The following ORC2 variants were observed in gnomAD, a reference collection of about 807,000 sequenced individuals.
The protein encoded by ORC2 is origin recognition complex protein 2 homolog.
In ORC2, 37 loss-of-function variants were observed where a neutral mutation model predicts 77.7. The observed-to-expected ratio is 0.48, with a 90% CI of 0.37 to 0.63. ORC2 has a LOEUF of 0.63. Among genes scored for constraint, ORC2 ranks in the 20% least tolerant of loss-of-function variants. ORC2 has a pLI of 0.00. For synonymous variants in ORC2, 201 were observed against 229.5 expected (o/e 0.88, Z 1.12); for missense variants, 557 against 661.9 (o/e 0.84, Z 1.74).
chr2:200,955,830 G>A (rs1324916674), intron 4 of ORC2, among the ~76,000 whole-genome samples: 1 of 151,964 alleles, frequency 6.6e-6, no homozygotes, highest in Non-Finnish European at 1.5e-5. Context: ...TGTGTTCCTT[G>A]TACCCAGGAA....
intron 4 of ORC2, among the ~76,000 whole-genome samples, chr2:200,949,921 G>GT: frequency 6.6e-6 from 1 of 152,290 alleles, no homozygotes; most frequent in South Asian, 2.1e-4. Context: ...TCAATTCCTA[G>GT]TAACAGTTGT....
chr2:200,922,525 G>A (rs1371888933), intron 13 of ORC2, among the ~76,000 whole-genome samples: 2 of 151,090 alleles, frequency 1.3e-5, no homozygotes, highest in Non-Finnish European at 2.9e-5. Context: ...GTATTGATAA[G>A]TCTCTCTGGA....
chr2:200,931,279 A>T, intron 11 of ORC2, 60 bp downstream of exon 11: 1 of 701,830 alleles, frequency 1.4e-6, no homozygotes, highest in South Asian at 2.4e-5. Context: ...TTACTTTAAC[A>T]TAAAGATTCA....
chr2:200,942,675 A>G lies in ORC2; in HGVS notation c.421+10T>C. The G allele has an allele frequency of 1.3e-6, 2 of 1,485,316 alleles. No individual in the cohort carries two copies. The highest frequency in any genetic ancestry group is 1.9e-6 in the Non-Finnish European group (2 of 1,080,630). 92.0% of individuals were successfully genotyped at this position (1,485,316 alleles called of 1,614,324 possible). A position where few individuals can be genotyped will look rare whatever the true frequency, so the allele number is the denominator to read the frequency against. ...AAAATTCTTTTCAAAGAACTAATGT[A>G]ATGTCTTACCCTTGCTACTTTGAGG... On this transcript the variant is annotated intron_variant, in intron 6 of 17. Transcript: ENST00000234296.
chr2:200,935,926 C>T, intron 8 of ORC2, 34 bp from the exon 9 acceptor site: 1 of 1,583,686 alleles, frequency 6.3e-7, no homozygotes, highest in Non-Finnish European at 8.6e-7. Flanking sequence ...TGGACAATTT[C>T]ATGGTTTGAC....
intron 9 of ORC2, among the ~76,000 whole-genome samples, chr2:200,934,533 T>C (rs1331517452): frequency 6.6e-6 from 1 of 151,406 alleles, no homozygotes; most frequent in Admixed American, 6.6e-5. Context: ...CTTATTATGT[T>C]ATCCAGGCTG....
chr2:200,944,917 C>G (rs1175049574), intron 5 of ORC2, among the ~76,000 whole-genome samples: 1 of 152,136 alleles, frequency 6.6e-6, no homozygotes, highest in Non-Finnish European at 1.5e-5. Flanking sequence ...TTCTTTATGT[C>G]AGGGGTCAGC....
rs146423672 is a variant in ORC2, at chr2:200,920,753, TG to T, written c.1294+239del. Among the ~76,000 whole-genome samples, 1,133 of 152,306 alleles carry T rather than the reference TG, an allele frequency of 7.4e-3. 20 individuals carry two copies. Among genetic ancestry groups the T allele is most frequent in the African/African-American group, 0.026 (1,095 of 41,560 alleles). ...AAGAGAAAGAGACCAAAATAATAGT[TG>T]GGTCTTTTCCCTCCATTTAACTTTA... On this transcript the variant is annotated intron_variant, in intron 14 of 17. Transcript: ENST00000234296.
At chr2:200,941,953 C>T (rs2041160147) in intron 6 of ORC2, among the ~76,000 whole-genome samples, 1 of 149,396 alleles carries the variant, frequency 6.7e-6, no homozygotes, top group Non-Finnish European at 1.5e-5. Context: ...CACCACTGCA[C>T]TCCAGCACTC....
At chr2:200,935,165 C>G (rs1023959085) in intron 9 of ORC2, among the ~76,000 whole-genome samples, 6 of 152,120 alleles carry the variant, frequency 3.9e-5, no homozygotes, top group African/African-American at 1.4e-4. Context: ...GTTCTTATTG[C>G]CCAGGCTAGT....
At position 200,941,293 on chromosome 2, in the gene ORC2, C is replaced by CA; in HGVS notation, c.422-15dup. The CA allele has an allele frequency of 6.2e-7, 1 of 1,605,916 alleles. No homozygotes were observed. The highest frequency in any genetic ancestry group is 8.5e-7 in the Non-Finnish European group (1 of 1,174,504). On this transcript the variant is annotated splice_polypyrimidine_tract_variant and intron_variant, in intron 6 of 17. Transcript: ENST00000234296. ...AAGCAGAATGGCCTAAAGAATGAAA[C>CA]AAAAAGCCATGACTTACTACGGACA...
chr2:200,916,388 G>A (rs977003348), intron 15 of ORC2, among the ~76,000 whole-genome samples: 1 of 151,988 alleles, frequency 6.6e-6, no homozygotes, highest in African/African-American at 2.4e-5. Context: ...GGGATGCTGA[G>A]GCATGAAAAT....
chr2:200,930,461 GC>G (rs1441739468), intron 11 of ORC2, among the ~76,000 whole-genome samples: 1 of 151,476 alleles, frequency 6.6e-6, no homozygotes, highest in Non-Finnish European at 1.5e-5. Context: ...ATTGAGAGAA[GC>G]TGAGGTTCTT....
chr2:200,942,044 A>G (rs938230798), intron 6 of ORC2, among the ~76,000 whole-genome samples: 5 of 151,902 alleles, frequency 3.3e-5, no homozygotes, highest in African/African-American at 1.2e-4. Context: ...GCCAGACACA[A>G]TGCGGTGTGC....
At chr2:200,937,536 A>C (rs1475738798) in intron 8 of ORC2, among the ~76,000 whole-genome samples, 1 of 152,208 alleles carries the variant, frequency 6.6e-6, no homozygotes, top group Non-Finnish European at 1.5e-5. Context: ...TTCAATATTC[A>C]AAAATCTGAA....
At position 200,957,376 on chromosome 2, in the gene ORC2, GTGTATATTTCACCCCCTCAAA is replaced by G; in HGVS notation, c.238+4_238+24del. On this transcript the variant is annotated splice_donor_5th_base_variant and intron_variant, in intron 4 of 17. Coordinates refer to ENST00000234296, the MANE Select transcript of ORC2 (RefSeq NM_006190.5). ...CAATTTCTGCTACTAGCAGAAACGAGTGTATATTTCACCCCCTCAAATACCTTGAACATCTCTTCCCATAAT... is the reference window on the plus strand; with the variant it reads ...CAATTTCTGCTACTAGCAGAAACGAGTACCTTGAACATCTCTTCCCATAAT... 1.3e-6 allele frequency: 2 copies of G among 1,527,084 alleles called. No homozygotes were observed. Among genetic ancestry groups the G allele is most frequent in the Non-Finnish European group, 1.8e-6 (2 of 1,136,260 alleles). The allele number at this position is 1,527,084 out of a possible 1,614,324, so 94.6% of individuals were successfully genotyped here.
chr2:200,911,221 G>T lies in ORC2; in HGVS notation c.*80C>A. On this transcript the variant is annotated 3_prime_UTR_variant, in exon 18 of 18. Transcript: ENST00000234296. ...CTGGAAAAATAATTTAATGTCAGAT[G>T]TAAACACAACACTTTCAACTAGAGG... The T allele has an allele frequency of 1.2e-6, 1 of 830,600 alleles. No homozygotes were observed. The highest frequency in any genetic ancestry group is 2.0e-6 in the Non-Finnish European group (1 of 488,776). The allele number at this position is 830,600 out of a possible 1,614,324, so 51.5% of individuals were successfully genotyped here.
chr2:200,919,194 G>T (rs1297206814), intron 15 of ORC2, among the ~76,000 whole-genome samples: 1 of 152,116 alleles, frequency 6.6e-6, no homozygotes, highest in East Asian at 1.9e-4. Flanking sequence ...ACCCACCCAA[G>T]AACACAATAT....
chr2:200,957,052 G>T lies in ORC2; in HGVS notation c.238+349C>A, dbSNP rs570511749. On this transcript the variant is annotated intron_variant, in intron 4 of 17. Coordinates refer to ENST00000234296, the MANE Select transcript of ORC2 (RefSeq NM_006190.5). ...GAGAGCATAAGGACAGACAGCTAATGCATGTGGGGCTTAAAACCTAGATGA... is the reference window on the plus strand; with the variant it reads ...GAGAGCATAAGGACAGACAGCTAATTCATGTGGGGCTTAAAACCTAGATGA... Among the ~76,000 whole-genome samples the T allele has an allele frequency of 9.2e-5, 14 of 152,268 alleles. 1 individual carries two copies. The South Asian group carries it at 1.2e-3, about 14-fold the overall frequency.
Sources: allele counts gnomAD v4.1 joint callset (sites outside exome capture counted in the v4.1 genomes callset), GRCh38; gene constraint gnomAD v4.1.1; transcripts MANE v1.5; gene names NCBI Gene and HGNC (gene_info 2026-07-23, HGNC 2026-07-21).